MALRD1: variants seen among roughly 807,000 people sequenced by gnomAD.
MALRD1 encodes the protein MAM and LDL-receptor class A domain-containing protein 1.
MALRD1 carries 247 observed loss-of-function variants against 242.1 expected under a neutral mutation model. The ratio of observed to expected loss-of-function variants is 1.02; its 90% CI spans 0.92 to 1.13. The LOEUF is 1.13. MALRD1 is among the 50% of genes most tolerant of loss of function. The probability of loss-of-function intolerance (pLI) is 0.00; values close to 1 mark genes in which losing one functional copy is unlikely to be tolerated. For synonymous variants in MALRD1, 995 were observed against 866.6 expected, an observed-to-expected ratio of 1.15 and a Z score of -2.60; for missense variants, 2,989 against 2,533.1, an observed-to-expected ratio of 1.18 and a Z score of -3.86.
intron 28 of MALRD1, among the ~76,000 whole-genome samples, chr10:19,443,522 C>G (rs1834788496): frequency 1.3e-5 from 2 of 152,148 alleles, no homozygotes; most frequent in Non-Finnish European, 2.9e-5. Context: ...TATGTGTTGT[C>G]TTTGCTCTCA....
intron 27 of MALRD1, 100 bp downstream of exon 27, chr10:19,387,873 A>G: frequency 3.6e-6 from 5 of 1,383,764 alleles, no homozygotes; most frequent in African/African-American, 1.5e-5. Flanking sequence ...AGAGACCACC[A>G]CGATGGTATT....
intron 21 of MALRD1, among the ~76,000 whole-genome samples, chr10:19,300,090 G>A (rs1470097842): frequency 1.3e-5 from 2 of 151,898 alleles, no homozygotes; most frequent in African/African-American, 4.8e-5. Flanking sequence ...CAAGCTGAGA[G>A]TCAAATCAAG....
At position 19,125,241 on chromosome 10, in the gene MALRD1, C is replaced by T. The variant is rs553059905; in HGVS notation, c.943+571C>T. Among the ~76,000 whole-genome samples, 8 of 151,964 alleles carry T rather than the reference C, an allele frequency of 5.3e-5. No homozygotes were observed. In the East Asian group the frequency reaches 7.8e-4, roughly 15 times the overall value. On this transcript the variant is annotated intron_variant, in intron 7 of 39. Coordinates refer to ENST00000454679, the MANE Select transcript of MALRD1 (RefSeq NM_001142308.3). Reference sequence around the variant, plus strand: ...GATTACAGGTTTGAGCCATCATGCCCGGCCAAGTCGGCCAGCTCTTTCTTT... The same window carrying T: ...GATTACAGGTTTGAGCCATCATGCCTGGCCAAGTCGGCCAGCTCTTTCTTT...
At chr10:19,324,723 C>G (rs1236217807) in intron 22 of MALRD1, among the ~76,000 whole-genome samples, 1 of 151,290 alleles carries the variant, frequency 6.6e-6, no homozygotes. Flanking sequence ...GGAATAATTC[C>G]TTATCTTCCC....
rs1302835865 is a variant in MALRD1, at chr10:19,224,302, T to C, written c.2991+14622T>C. Among the ~76,000 whole-genome samples the C allele has an allele frequency of 5.0e-5, 7 of 141,032 alleles. No homozygotes were observed. The South Asian group carries it at 1.1e-3, about 22-fold the overall frequency. 92.5% of individuals were successfully genotyped at this position (141,032 alleles called of 152,430 possible). A position where few individuals can be genotyped will look rare whatever the true frequency, so the allele number is the denominator to read the frequency against. ...TGATGAGCTTTTTTTTTTTTTTTTT[T>C]CTTCGAGACAGCCTCACTCTGTCAC... is the stretch of plus-strand genomic sequence containing the variant. On this transcript the variant is annotated intron_variant, in intron 18 of 39. Coordinates refer to ENST00000454679, the MANE Select transcript of MALRD1 (RefSeq NM_001142308.3).
At chr10:19,701,369 A>C (rs1833618466) in intron 38 of MALRD1, among the ~76,000 whole-genome samples, 1 of 152,028 alleles carries the variant, frequency 6.6e-6, no homozygotes, top group African/African-American at 2.4e-5. Context: ...AGTTCTGGGG[A>C]ATCATTTTGC....
At chr10:19,539,995 G>A (rs935021145) in intron 32 of MALRD1, among the ~76,000 whole-genome samples, 2 of 151,264 alleles carry the variant, frequency 1.3e-5, no homozygotes, top group Non-Finnish European at 2.9e-5. Flanking sequence ...TGCCCACCTC[G>A]GCCTCCCATG....
chr10:19,583,393 G>A (rs1262080901), intron 33 of MALRD1, among the ~76,000 whole-genome samples: 11 of 150,656 alleles, frequency 7.3e-5, no homozygotes, highest in South Asian at 2.1e-4. Context: ...TTTGAGATAC[G>A]TCCCATCAAT....
chr10:19,353,137 G>A (rs1844470641), intron 26 of MALRD1, among the ~76,000 whole-genome samples: 1 of 151,886 alleles, frequency 6.6e-6, no homozygotes, highest in Non-Finnish European at 1.5e-5. Flanking sequence ...CTCCTGAATA[G>A]CTGGGTTTAC....
chr10:19,307,058 G>A (rs188258606), intron 21 of MALRD1, among the ~76,000 whole-genome samples: 1 of 151,610 alleles, frequency 6.6e-6, no homozygotes, highest in East Asian at 1.9e-4. Flanking sequence ...CAGAGACCTT[G>A]GAATTGTAAG....
chr10:19,119,306 G>A (rs1346040576), intron 5 of MALRD1, among the ~76,000 whole-genome samples: 1 of 152,214 alleles, frequency 6.6e-6, no homozygotes, highest in African/African-American at 2.4e-5. Flanking sequence ...CACCTTGCCA[G>A]CTGCCTGGGC....
intron 26 of MALRD1, among the ~76,000 whole-genome samples, chr10:19,366,475 G>C (rs1461855105): frequency 6.6e-6 from 1 of 152,140 alleles, no homozygotes; most frequent in Non-Finnish European, 1.5e-5. Context: ...TATTTGGCCA[G>C]TTCCTAACAG....
intron 18 of MALRD1, among the ~76,000 whole-genome samples, chr10:19,225,728 T>C (rs751762576): frequency 2.0e-5 from 3 of 152,142 alleles, no homozygotes; most frequent in Non-Finnish European, 2.9e-5. Context: ...CCAAGAATTG[T>C]CAAAGAAGCT....
chr10:19,661,257 C>T (rs1841413480), intron 36 of MALRD1, among the ~76,000 whole-genome samples: 2 of 152,108 alleles, frequency 1.3e-5, no homozygotes. Flanking sequence ...ACTAGAAATA[C>T]CATTTGTTCC....
intron 22 of MALRD1, among the ~76,000 whole-genome samples, chr10:19,327,113 A>G (rs894196263): frequency 6.6e-6 from 1 of 152,104 alleles, no homozygotes; most frequent in Admixed American, 6.6e-5. Context: ...TGCGCTTACA[A>G]TGAAATGAGC....
rs181992708 is a variant in MALRD1 at position 19,136,578 on chromosome 10, T to A, written c.1208T>A (p.Ile403Asn). The A allele has an allele frequency of 4.9e-6, 6 of 1,230,136 alleles. No homozygotes were observed. The highest frequency in any genetic ancestry group is 3.1e-4 in the Middle Eastern group (1 of 3,206). The allele number at this position is 1,230,136 out of a possible 1,614,324, so 76.2% of individuals were successfully genotyped here. The change falls in exon 10 of 40, where the codon ATT becomes AAT. Residue 403 changes from isoleucine to asparagine, a missense_variant. Ile to Asn is a moderately radical substitution (Grantham distance 149, BLOSUM62 -3). Coordinates refer to ENST00000454679, the MANE Select transcript of MALRD1 (RefSeq NM_001142308.3). ...TTAATCTTTTCCTTCCTAAAGATTA[T>A]TTTTGAAGGGACTCTTTTGAGCCAG... ...IPEDLKTFKI[I>N]FEGTLLSQRS...
intron 29 of MALRD1, among the ~76,000 whole-genome samples, chr10:19,468,857 A>G (rs1230909763): frequency 6.6e-6 from 1 of 152,090 alleles, no homozygotes; most frequent in East Asian, 1.9e-4. Context: ...GCCCTCCATG[A>G]CAAATGTATT....
At chr10:19,569,128 C>T (rs1259274530) in intron 33 of MALRD1, among the ~76,000 whole-genome samples, 1 of 152,014 alleles carries the variant, frequency 6.6e-6, no homozygotes, top group Non-Finnish European at 1.5e-5. Flanking sequence ...CCATATTCTG[C>T]CATAATGGCT....
rs181503002 is a variant in MALRD1, at chr10:19,375,301, A to T, written c.4442-12227A>T. Among the ~76,000 whole-genome samples, 762 of 152,320 alleles carry T rather than the reference A, an allele frequency of 5.0e-3. 11 individuals carry two copies. Among genetic ancestry groups the T allele is most frequent in the Non-Finnish European group, 3.5e-3 (235 of 68,026 alleles). ...ATACATGCCAAGGTGAAATTCACTA[A>T]TTGCAACAATAGAGGAATGCAAAGT... On this transcript the variant is annotated intron_variant, in intron 26 of 39. Coordinates refer to ENST00000454679, the MANE Select transcript of MALRD1 (RefSeq NM_001142308.3).
Sources: allele counts gnomAD v4.1 joint callset (sites outside exome capture counted in the v4.1 genomes callset), GRCh38; gene constraint gnomAD v4.1.1; transcripts MANE v1.5; gene names NCBI Gene and HGNC (gene_info 2026-07-23, HGNC 2026-07-21).